The following PRDM5 variants were observed in gnomAD, a reference collection of about 807,000 sequenced individuals.
PRDM5 encodes the protein PR/SET domain 5, also known as PR domain zinc finger protein 5.
PRDM5 carries 56 observed loss-of-function variants against 81.2 expected under a neutral mutation model. That is an observed-to-expected ratio of 0.69 (90% CI 0.56 to 0.86). PRDM5 has a LOEUF of 0.86. Among genes scored for constraint, PRDM5 ranks in the 40% least tolerant of loss-of-function variants. The pLI, the probability that PRDM5 is intolerant of heterozygous loss-of-function variation, is 0.00. For synonymous variants in PRDM5, 267 were observed against 256.4 expected (o/e 1.04, Z -0.39); for missense variants, 697 against 770.1 (o/e 0.91, Z 1.12).
At chr4:120,774,939 T>C (rs1393861644) in intron 13 of PRDM5, among the ~76,000 whole-genome samples, 1 of 148,772 alleles carries the variant, frequency 6.7e-6, no homozygotes, top group Non-Finnish European at 1.5e-5. Context: ...TGTATATGTA[T>C]ATATGTGTGT....
At chr4:120,712,276 A>G (rs1196491727) in intron 14 of PRDM5, among the ~76,000 whole-genome samples, 1 of 152,182 alleles carries the variant, frequency 6.6e-6, no homozygotes, top group Non-Finnish European at 1.5e-5. Context: ...ACAAGAGCAA[A>G]ACTCCCTCTC....
chr4:120,684,296 T>A (rs563547473), downstream of PRDM5, among the ~76,000 whole-genome samples: 1 of 151,894 alleles, frequency 6.6e-6, no homozygotes, highest in South Asian at 2.1e-4. Flanking sequence ...CCAAATAAGA[T>A]GAGAAATATT....
At chr4:120,798,544 T>TA (rs144058009) in intron 9 of PRDM5, 120 bp from the exon 10 acceptor site, 1 of 835,924 alleles carries the variant, frequency 1.2e-6, no homozygotes, top group Admixed American at 2.6e-5. Flanking sequence ...GTCAAACAAC[T>TA]AAAAAACATC....
chr4:120,735,369 A>G (rs1740958763), intron 14 of PRDM5, among the ~76,000 whole-genome samples: 1 of 152,208 alleles, frequency 6.6e-6, no homozygotes, highest in Admixed American at 6.5e-5. Flanking sequence ...TAAATTTTAC[A>G]TTATTCATAT....
chr4:120,919,136 C>A (rs899993813), intron 1 of PRDM5, among the ~76,000 whole-genome samples: 4 of 152,228 alleles, frequency 2.6e-5, no homozygotes, highest in African/African-American at 9.6e-5. Context: ...AAAGTCTTCC[C>A]TGCTGACCCT....
At chr4:120,703,856 A>G (rs1373098604) in intron 15 of PRDM5, among the ~76,000 whole-genome samples, 1 of 152,140 alleles carries the variant, frequency 6.6e-6, no homozygotes, top group East Asian at 1.9e-4. Flanking sequence ...TTACTAAAAT[A>G]TCTCATTTCA....
At chr4:120,746,332 A>G (rs1280458575) in intron 14 of PRDM5, among the ~76,000 whole-genome samples, 1,916 of 148,006 alleles carry the variant, frequency 0.013, 14 homozygotes, top group African/African-American at 0.031. Flanking sequence ...TAAAAACCCT[A>G]GAAGAAAACC....
At chr4:120,863,189 T>TAC (rs1232966826) in intron 2 of PRDM5, among the ~76,000 whole-genome samples, 39 of 37,356 alleles carry the variant, frequency 1.0e-3, no homozygotes, top group African/African-American at 2.3e-3. Flanking sequence ...TATATATATA[T>TAC]ATACACACAC....
chr4:120,852,819 A>G (rs1360612686), intron 3 of PRDM5, among the ~76,000 whole-genome samples: 1 of 113,048 alleles, frequency 8.8e-6, no homozygotes, highest in Non-Finnish European at 1.8e-5. Context: ...TTTTTTTTGG[A>G]GCCATAGTCT....
intron 1 of PRDM5, among the ~76,000 whole-genome samples, chr4:120,916,530 C>T (rs192646580): frequency 1.2e-4 from 18 of 152,148 alleles, no homozygotes; most frequent in East Asian, 3.9e-4. Flanking sequence ...AGAGTAAAAA[C>T]GTACTGTAAG....
At chr4:120,906,149 T>A (rs1054694987) in intron 2 of PRDM5, among the ~76,000 whole-genome samples, 4 of 151,994 alleles carry the variant, frequency 2.6e-5, no homozygotes, top group African/African-American at 9.7e-5. Flanking sequence ...TTTTTTATAT[T>A]TTTTTAAGAC....
chr4:120,734,715 C>T (rs1740847509), intron 14 of PRDM5, among the ~76,000 whole-genome samples: 2 of 152,142 alleles, frequency 1.3e-5, no homozygotes, highest in South Asian at 2.1e-4. Flanking sequence ...TATTCTGGGG[C>T]TTAGCCACTT....
At chr4:120,712,628 T>C (rs573827443) in intron 14 of PRDM5, among the ~76,000 whole-genome samples, 3 of 152,340 alleles carry the variant, frequency 2.0e-5, no homozygotes, top group African/African-American at 7.2e-5. Context: ...AACCTTAAGA[T>C]AGAGTATTAT....
intron 14 of PRDM5, among the ~76,000 whole-genome samples, chr4:120,722,869 C>T (rs536608501): frequency 6.6e-6 from 1 of 152,206 alleles, no homozygotes; most frequent in East Asian, 1.9e-4. Flanking sequence ...GCTGAGCACG[C>T]GAGGAGCTGG....
intron 13 of PRDM5, among the ~76,000 whole-genome samples, chr4:120,755,263 C>T (rs762786835): frequency 1.3e-5 from 2 of 152,120 alleles, no homozygotes; most frequent in East Asian, 1.9e-4. Flanking sequence ...CACATATACA[C>T]AGCACATTTC....
downstream of PRDM5, among the ~76,000 whole-genome samples, chr4:120,689,269 C>T (rs115293161): frequency 0.017 from 2,579 of 152,244 alleles, 68 homozygotes; most frequent in African/African-American, 0.059. Context: ...AGGAACAAAA[C>T]CAGCTTGTCA....
At chr4:120,855,297 A>C (rs1759748883) in intron 2 of PRDM5, among the ~76,000 whole-genome samples, 1 of 152,206 alleles carries the variant, frequency 6.6e-6, no homozygotes, top group Non-Finnish European at 1.5e-5. Context: ...GCACGAATTT[A>C]ATTTTTCATA....
chr4:120,756,511 A>G (rs1188471162), intron 13 of PRDM5, among the ~76,000 whole-genome samples: 1 of 152,188 alleles, frequency 6.6e-6, no homozygotes, highest in Non-Finnish European at 1.5e-5. Flanking sequence ...CAGGATGATG[A>G]TAAAAAAGAA....
intron 2 of PRDM5, among the ~76,000 whole-genome samples, chr4:120,855,660 C>T (rs1759789180): frequency 6.6e-6 from 1 of 152,098 alleles, no homozygotes; most frequent in South Asian, 2.1e-4. Context: ...TTTCAGGTAC[C>T]CTCACAGCAA....
Sources: allele counts gnomAD v4.1 joint callset (sites outside exome capture counted in the v4.1 genomes callset), GRCh38; gene constraint gnomAD v4.1.1; transcripts MANE v1.5; gene names NCBI Gene and HGNC (gene_info 2026-07-23, HGNC 2026-07-21).